The following RASEF variants were observed in gnomAD, a reference collection of about 807,000 sequenced individuals.
RASEF encodes the protein ras and EF-hand domain-containing protein.
A neutral mutation model predicts 90.1 loss-of-function variants in RASEF; 68 were observed. That is an observed-to-expected ratio of 0.75 (90% CI 0.62 to 0.92). The LOEUF (loss-of-function observed/expected upper bound fraction) is 0.92, where lower values mean the gene tolerates loss of function less well. Among genes scored for constraint, RASEF ranks in the 40% least tolerant of loss-of-function variants. RASEF has a pLI of 0.00. For missense variants in RASEF, 949 were observed against 937.2 expected, an observed-to-expected ratio of 1.01 and a Z score of -0.16; for synonymous variants, 331 against 345.2, an observed-to-expected ratio of 0.96 and a Z score of 0.46.
At chr9:83,076,380 C>T in the RASEF span, among the ~76,000 whole-genome samples, 1 of 150,964 alleles carries the variant, frequency 6.6e-6, no homozygotes, top group Non-Finnish European at 1.5e-5. Context: ...CTTGATTTTG[C>T]AAGTCTTTAA....
chr9:83,163,362 C>T, the RASEF span, among the ~76,000 whole-genome samples: 2 of 152,146 alleles, frequency 1.3e-5, no homozygotes, highest in Non-Finnish European at 2.9e-5. Context: ...TACAAAAAGA[C>T]ATCACACATA....
At chr9:83,087,432 T>C in the RASEF span, among the ~76,000 whole-genome samples, 124 of 151,802 alleles carry the variant, frequency 8.2e-4, no homozygotes, top group African/African-American at 2.9e-3. Flanking sequence ...TCTCTCTCTC[T>C]CTCTCTCTGT....
chr9:83,132,634 G>C, the RASEF span, among the ~76,000 whole-genome samples: 1 of 152,072 alleles, frequency 6.6e-6, no homozygotes, highest in Non-Finnish European at 1.5e-5. Context: ...TCCCCTTCAG[G>C]ATTTTTTCAG....
the RASEF span, among the ~76,000 whole-genome samples, chr9:83,071,782 C>T: frequency 1.3e-5 from 2 of 152,184 alleles, no homozygotes; most frequent in Non-Finnish European, 2.9e-5. Context: ...CATGTGGCCT[C>T]AGGGCTGCTT....
chr9:83,077,855 C>G, the RASEF span, among the ~76,000 whole-genome samples: 1 of 152,154 alleles, frequency 6.6e-6, no homozygotes, highest in South Asian at 2.1e-4. Context: ...TAGGAGGGAA[C>G]AGCAGCCCAG....
intron 1 of RASEF, among the ~76,000 whole-genome samples, chr9:83,040,779 A>C (rs931437907): frequency 6.6e-6 from 1 of 152,194 alleles, no homozygotes; most frequent in African/African-American, 2.4e-5. Flanking sequence ...AGTTAAATAA[A>C]CCTTATGCTC....
At chr9:83,105,004 A>C in the RASEF span, among the ~76,000 whole-genome samples, 1 of 152,216 alleles carries the variant, frequency 6.6e-6, no homozygotes, top group African/African-American at 2.4e-5. Flanking sequence ...GGAGGAGGAA[A>C]GCAAAGCTTC....
At chr9:83,062,369 G>T in intron 1 of RASEF, 68 bp downstream of exon 1, 1 of 1,519,652 alleles carries the variant, frequency 6.6e-7, no homozygotes. Context: ...CTGCACACCT[G>T]CAAGTAAGTG....
chr9:83,096,902 G>A, the RASEF span, among the ~76,000 whole-genome samples: 4 of 151,596 alleles, frequency 2.6e-5, no homozygotes, highest in South Asian at 6.3e-4. Flanking sequence ...TTGTCCTTGC[G>A]ATAGTTTGCT....
the RASEF span, among the ~76,000 whole-genome samples, chr9:83,164,962 T>C: frequency 1.3e-5 from 2 of 152,008 alleles, no homozygotes; most frequent in African/African-American, 4.8e-5. Flanking sequence ...TAACAATCTT[T>C]AATGTATATG....
chr9:83,092,778 C>G, the RASEF span, among the ~76,000 whole-genome samples: 1 of 152,098 alleles, frequency 6.6e-6, no homozygotes, highest in Non-Finnish European at 1.5e-5. Context: ...CTGCTTTGAC[C>G]GGGTGCTGAT....
chr9:83,124,160 G>T, the RASEF span, among the ~76,000 whole-genome samples: 5 of 152,172 alleles, frequency 3.3e-5, no homozygotes, highest in Non-Finnish European at 5.9e-5. Flanking sequence ...ATATTCCATT[G>T]TAGGTATATA....
intron 6 of RASEF, among the ~76,000 whole-genome samples, chr9:83,008,942 G>T (rs1422491929): frequency 3.2e-5 from 2 of 62,816 alleles, no homozygotes; most frequent in Non-Finnish European, 3.4e-5. Context: ...ATATGACGTG[G>T]GCTCTGTGTT....
intron 1 of RASEF, chr9:83,055,737 A>C: frequency 1.4e-6 from 1 of 699,648 alleles, no homozygotes. Flanking sequence ...GAATGAGCTC[A>C]CATCAATTTA....
At chr9:83,084,920 TA>T in the RASEF span, among the ~76,000 whole-genome samples, 2 of 152,214 alleles carry the variant, frequency 1.3e-5, no homozygotes, top group African/African-American at 4.8e-5. Flanking sequence ...GTTTTGAACT[TA>T]TTATATATTT....
the RASEF span, among the ~76,000 whole-genome samples, chr9:83,153,229 T>C: frequency 6.6e-6 from 1 of 152,212 alleles, no homozygotes; most frequent in Admixed American, 6.5e-5. Context: ...TGTATATTCA[T>C]ATTTTCTCTT....
At position 83,001,172 on chromosome 9, in the gene RASEF, A is replaced by G. The variant is rs1219913151; in HGVS notation, c.1203-42T>C. The G allele has an allele frequency of 2.1e-6, 3 of 1,452,050 alleles. No homozygotes were observed. In the African/African-American group the frequency reaches 4.2e-5, roughly 20 times the overall value. The allele number at this position is 1,452,050 out of a possible 1,614,324, so 89.9% of individuals were successfully genotyped here. On this transcript the variant is annotated intron_variant, in intron 9 of 16. Transcript: ENST00000376447. ...AGACCAATTTACCTGAGGGCTGGAA[A>G]TGCTCAAGAACATACAGGCAATAGA... is the stretch of plus-strand genomic sequence containing the variant.
chr9:83,048,457 G>A (rs1829972642), intron 1 of RASEF: 2 of 985,102 alleles, frequency 2.0e-6, no homozygotes, highest in African/African-American at 1.7e-5. Context: ...AACCAGCCAA[G>A]CAACTTGGAC....
At chr9:83,149,986 C>T in the RASEF span, among the ~76,000 whole-genome samples, 1 of 152,166 alleles carries the variant, frequency 6.6e-6, no homozygotes, top group Admixed American at 6.6e-5. Context: ...ATTTCAGACA[C>T]GATTAGTGAG....
Sources: gnomAD v4.1 joint callset for allele counts (sites outside exome capture counted in the v4.1 genomes callset) on GRCh38, gnomAD v4.1.1 for gene constraint, MANE v1.5 for transcripts, NCBI Gene and HGNC (gene_info 2026-07-23, HGNC 2026-07-21) for gene names.